The following PFKL variants were observed in gnomAD, a reference collection of about 807,000 sequenced individuals.
The protein encoded by PFKL is phosphofructokinase, liver type, also known as ATP-dependent 6-phosphofructokinase, liver type.
PFKL carries 74 observed loss-of-function variants against 92.1 expected under a neutral mutation model. The observed-to-expected ratio is 0.80, with a 90% CI of 0.67 to 0.97. PFKL has a LOEUF of 0.97. Among genes scored for constraint, PFKL ranks in the 50% least tolerant of loss-of-function variants. PFKL has a pLI of 0.00. For missense variants in PFKL, 1,028 were observed against 1,116.6 expected (o/e 0.92, Z 1.13); for synonymous variants, 494 against 456.4 (o/e 1.08, Z -1.05).
intron 1 of PFKL, among the ~76,000 whole-genome samples, chr21:44,301,310 T>C (rs1250138879): frequency 6.6e-6 from 1 of 152,102 alleles, no homozygotes; most frequent in African/African-American, 2.4e-5. Context: ...CCCGCCCTTT[T>C]CACAGCTGTG....
At chr21:44,324,464 G>C in intron 16 of PFKL, 27 bp from the exon 17 acceptor site, 2 of 1,610,874 alleles carry the variant, frequency 1.2e-6, no homozygotes, top group South Asian at 2.2e-5. Flanking sequence ...GCACGTGGAG[G>C]ACCCCCGACC....
Position 44,318,615 on chromosome 21 carries a change from C to CA in PFKL, c.1062+21dup. 1 of 1,453,680 alleles carries CA rather than the reference C, an allele frequency of 6.9e-7. No individual in the cohort carries two copies. Among genetic ancestry groups the CA allele is most frequent in the Non-Finnish European group, 9.2e-7 (1 of 1,088,900 alleles). 90.0% of individuals were successfully genotyped at this position (1,453,680 alleles called of 1,614,324 possible). A position where few individuals can be genotyped will look rare whatever the true frequency, so the allele number is the denominator to read the frequency against. On this transcript the variant is annotated intron_variant, in intron 10 of 21. Coordinates refer to ENST00000349048, the MANE Select transcript of PFKL (RefSeq NM_002626.6). ...CAGATGGTAAGCCCTGGGCCCCCCC[C>CA]ATCAGAACCGCCTGGCCCCTCTCCC...
At chr21:44,307,447 C>T (rs1439358401) in intron 2 of PFKL, 1 of 270,302 alleles carries the variant, frequency 3.7e-6, no homozygotes, top group African/African-American at 2.3e-5. Flanking sequence ...TTTCCACATT[C>T]CACAAGACAA....
In PFKL at chr21:44,312,245, C is replaced by T; in HGVS notation, c.378C>T (p.Asn126=). The T allele has an allele frequency of 1.9e-6, 3 of 1,599,496 alleles. No individual in the cohort carries two copies. Among genetic ancestry groups the T allele is most frequent in the African/African-American group, 1.3e-5 (1 of 74,510 alleles). The change falls in exon 4 of 22, where the codon AAC becomes AAT. Residue 126 remains asparagine (N), a synonymous_variant. Coordinates refer to ENST00000349048, the MANE Select transcript of PFKL (RefSeq NM_002626.6). ...IGGDGSLTGA[N]IFRSEWGSLL... is the part of the protein sequence containing the mutation. ...GGGATGGCAGCCTCACAGGTGCCAA[C>T]ATCTTCCGCAGCGAGTGGGGCAGCC...
intron 11 of PFKL, 24 bp from the exon 12 acceptor site, chr21:44,320,060 T>C (rs2047319041): frequency 6.2e-7 from 1 of 1,610,674 alleles, no homozygotes. Flanking sequence ...GGGCTGTGCA[T>C]GGTGTGACCC....
chr21:44,311,225 C>T (rs377229487), intron 3 of PFKL, 142 bp downstream of exon 3: 117 of 649,066 alleles, frequency 1.8e-4, no homozygotes, highest in African/African-American at 7.8e-4. Flanking sequence ...TGCACACAGA[C>T]GCACACACAC....
At chr21:44,324,403 C>G in intron 16 of PFKL, 88 bp from the exon 17 acceptor site, 3 of 1,414,194 alleles carry the variant, frequency 2.1e-6, no homozygotes, top group East Asian at 2.3e-5. Flanking sequence ...GCTTTGGAGA[C>G]ACAGGGCTCC....
intron 19 of PFKL, 106 bp downstream of exon 19, chr21:44,325,370 G>A (rs567295853): frequency 5.2e-5 from 39 of 747,272 alleles, no homozygotes; most frequent in East Asian, 7.9e-5. Context: ...GGGCACTCCC[G>A]GCAGGCCCTC....
intron 1 of PFKL, 26 bp from the exon 2 acceptor site, chr21:44,306,655 T>G (rs1041169685): frequency 6.2e-7 from 1 of 1,606,168 alleles, no homozygotes; most frequent in South Asian, 1.1e-5. Flanking sequence ...AGCGTGGGAC[T>G]GACAGGTTTG....
chr21:44,326,282 C>T lies in PFKL; in HGVS notation c.2195+18C>T, dbSNP rs771990414. 7.7e-6 allele frequency: 12 copies of T among 1,567,608 alleles called. No individual in the cohort carries two copies. Among genetic ancestry groups the T allele is most frequent in the African/African-American group, 5.4e-5 (4 of 74,002 alleles). On this transcript the variant is annotated intron_variant, in intron 21 of 21. Transcript: ENST00000349048. ...GATTTCGAGTGAGTTCCACCAAAGCCTCGTGGAGGCGGGTGGGGCTGAGGG... is the reference window on the plus strand; with the variant it reads ...GATTTCGAGTGAGTTCCACCAAAGCTTCGTGGAGGCGGGTGGGGCTGAGGG...
chr21:44,327,260 G>A lies in PFKL; in HGVS notation c.*398G>A. The A allele has an allele frequency of 4.1e-6, 1 of 244,668 alleles. No homozygotes were observed. The highest frequency in any genetic ancestry group is 6.6e-5 in the South Asian group (1 of 15,140). The allele number at this position is 244,668 out of a possible 1,614,324, so 15.2% of individuals were successfully genotyped here. On this transcript the variant is annotated 3_prime_UTR_variant, in exon 22 of 22. Transcript: ENST00000349048. ...TGCTGGCGCCTAGGTTGTGTTGAGA[G>A]GGGGATGCCCCTGGCCCTGCCTCAC...
intron 19 of PFKL, 32 bp from the exon 20 acceptor site, chr21:44,325,929 A>G: frequency 6.4e-7 from 1 of 1,550,738 alleles, no homozygotes; most frequent in South Asian, 1.1e-5. Context: ...AGCCCAGGGG[A>G]GTCCAGGGAA....
intron 11 of PFKL, chr21:44,319,875 G>A (rs1293020843): frequency 7.3e-6 from 4 of 548,692 alleles, no homozygotes; most frequent in Admixed American, 3.3e-5. Flanking sequence ...TTTGCTGCAC[G>A]GGCTGGCGTG....
chr21:44,304,301 C>T (rs1382661118), intron 1 of PFKL: 1 of 1,289,054 alleles, frequency 7.8e-7, no homozygotes, highest in African/African-American at 1.5e-5. Flanking sequence ...ACCAGGCCCC[C>T]TGCTGAGATG....
At chr21:44,317,223 A>G (rs1284528606) in intron 9 of PFKL, among the ~76,000 whole-genome samples, 1 of 152,172 alleles carries the variant, frequency 6.6e-6, no homozygotes, top group Non-Finnish European at 1.5e-5. Context: ...AGGGCCAGAG[A>G]CTGTCAGACA....
chr21:44,315,563 G>A (rs2047179955), intron 7 of PFKL: 1 of 153,176 alleles, frequency 6.5e-6, no homozygotes. Flanking sequence ...CATGGGGCTT[G>A]TGGCTCAGAG....
In PFKL at chr21:44,319,421, C is replaced by A. The variant is rs1422528172; in HGVS notation, c.1127+6C>A. The A allele has an allele frequency of 3.1e-6, 5 of 1,611,956 alleles. No homozygotes were observed. The South Asian group carries it at 5.5e-5, about 18-fold the overall frequency. ...GCCACCCAGCTCCGTGGTGGGTAAG[C>A]CCCCTCAGCAGACCCCTGCACTCTT... On this transcript the variant is annotated splice_donor_region_variant and intron_variant, in intron 11 of 21. Transcript: ENST00000349048.
intron 14 of PFKL, among the ~76,000 whole-genome samples, chr21:44,322,531 C>T (rs540983806): frequency 2.0e-5 from 3 of 152,326 alleles, no homozygotes; most frequent in Admixed American, 6.5e-5. Context: ...TGTCTGATGG[C>T]TTTTGTCCCA....
At position 44,321,827 on chromosome 21, in the gene PFKL, C is replaced by G. The variant is rs779324863; in HGVS notation, c.1290C>G (p.His430Gln). 2 of 1,599,910 alleles carry G rather than the reference C, an allele frequency of 1.3e-6. No individual in the cohort carries two copies. The highest frequency in any genetic ancestry group is 3.5e-5 in the Admixed American group (2 of 57,842). The change falls in exon 13 of 22, where the codon CAC becomes CAG. Residue 430 changes from histidine to glutamine, a missense_variant. By Grantham distance (24) the His-to-Gln change is conservative. Transcript: ENST00000349048. ...TGCGGACCGGCATCTCCCATGGACA[C>G]ACAGTATACGTGGTGCACGATGGCT... The part of the protein sequence containing the change: ...SAVRTGISHG[H>Q]TVYVVHDGFE...
Sources: allele counts gnomAD v4.1 joint callset (sites outside exome capture counted in the v4.1 genomes callset), GRCh38; gene constraint gnomAD v4.1.1; transcripts MANE v1.5; gene names NCBI Gene and HGNC (gene_info 2026-07-23, HGNC 2026-07-21).